The following ARPC3 variants were observed in gnomAD, a reference collection of about 807,000 sequenced individuals.
ARPC3 encodes the protein actin related protein 2/3 complex subunit 3.
Under a neutral mutation model 27.6 loss-of-function variants are expected in ARPC3, and 12 were observed. The ratio of observed to expected loss-of-function variants is 0.43; its 90% CI spans 0.28 to 0.70. The LOEUF (loss-of-function observed/expected upper bound fraction) is 0.70, where lower values mean the gene tolerates loss of function less well. Among genes scored for constraint, ARPC3 ranks in the 30% least tolerant of loss-of-function variants. The pLI, the probability that ARPC3 is intolerant of heterozygous loss-of-function variation, is 0.17. For synonymous variants in ARPC3, 53 were observed against 67.2 expected (o/e 0.79, Z 1.03); for missense variants, 153 against 207.7 (o/e 0.74, Z 1.62).
chr12:110,436,711 TACACACACACACAC>T lies in ARPC3; in HGVS notation c.253-42_253-29del, dbSNP rs375877607. The T allele has an allele frequency of 4.8e-4, 185 of 382,254 alleles. 3 individuals are homozygous for T. The highest frequency in any genetic ancestry group is 2.8e-3 in the South Asian group (108 of 38,288). The allele number at this position is 382,254 out of a possible 1,614,324, so 23.7% of individuals were successfully genotyped here. On this transcript the variant is annotated intron_variant, in intron 4 of 6. Transcript: ENST00000228825. ...GGAAAAAAAAATATATATATATATA[TACACACACACACAC>T]ACACACACACACACACACACACACA...
intron 2 of ARPC3, among the ~76,000 whole-genome samples, chr12:110,444,554 G>A (rs1445089759): frequency 6.6e-6 from 1 of 152,086 alleles, no homozygotes; most frequent in African/African-American, 2.4e-5. Flanking sequence ...CAAAGTGCTG[G>A]GATTACAAGT....
chr12:110,446,955 G>A (rs955758167), intron 1 of ARPC3, among the ~76,000 whole-genome samples: 3 of 152,136 alleles, frequency 2.0e-5, no homozygotes, highest in African/African-American at 4.8e-5. Flanking sequence ...ATGTTCTTAA[G>A]GTTATTATTA....
rs774230061 is a variant in ARPC3, at chr12:110,440,425, T to C, written c.107-37A>G. ...ACAAGGGAAGGAGCACAGAGAACAT[T>C]AGCCAAATACAAAACATAACAACTA... is the stretch of plus-strand genomic sequence containing the variant. On this transcript the variant is annotated intron_variant, in intron 2 of 6. Transcript: ENST00000228825. 9 of 1,395,048 alleles carry C rather than the reference T, an allele frequency of 6.5e-6. No individual in the cohort carries two copies. The East Asian group carries it at 1.6e-4, about 25-fold the overall frequency. 86.4% of individuals were successfully genotyped at this position (1,395,048 alleles called of 1,614,324 possible).
intron 6 of ARPC3, 99 bp from the exon 7 acceptor site, chr12:110,435,316 T>G: frequency 1.1e-6 from 1 of 951,824 alleles, no homozygotes; most frequent in Non-Finnish European, 1.6e-6. Context: ...TGGAATCTCT[T>G]ATAAACTTTT....
At chr12:110,435,340 G>A in intron 6 of ARPC3, 123 bp from the exon 7 acceptor site, 1 of 596,836 alleles carries the variant, frequency 1.7e-6, no homozygotes, top group Non-Finnish European at 2.8e-6. Flanking sequence ...TTTTTTTTTT[G>A]AGACGGAGTC....
chr12:110,436,476 G>T, intron 5 of ARPC3, 81 bp downstream of exon 5: 1 of 1,581,552 alleles, frequency 6.3e-7, no homozygotes, highest in Non-Finnish European at 8.7e-7. Context: ...ATGAATCAAG[G>T]CAAGAAAAAG....
intron 5 of ARPC3, 38 bp from the exon 6 acceptor site, chr12:110,436,242 A>G (rs765822603): frequency 1.3e-6 from 2 of 1,513,330 alleles, no homozygotes; most frequent in East Asian, 4.5e-5. Context: ...GTATTTGCAA[A>G]TACATCCCAA....
intron 3 of ARPC3, among the ~76,000 whole-genome samples, chr12:110,439,230 C>G (rs2062422399): frequency 1.3e-5 from 2 of 152,120 alleles, no homozygotes; most frequent in Non-Finnish European, 2.9e-5. Context: ...ATGTGATCCA[C>G]CCGCCTCAGC....
At chr12:110,437,705 GC>G (rs1429146437) in intron 3 of ARPC3, among the ~76,000 whole-genome samples, 1 of 151,888 alleles carries the variant, frequency 6.6e-6, no homozygotes, top group Non-Finnish European at 1.5e-5. Context: ...GGCTCCCCTT[GC>G]CCCAGGGTTC....
intron 2 of ARPC3, among the ~76,000 whole-genome samples, chr12:110,444,506 A>G (rs1383803905): frequency 1.3e-5 from 2 of 152,058 alleles, no homozygotes; most frequent in Non-Finnish European, 2.9e-5. Context: ...GCTGGTCTCG[A>G]ACTCCTGACC....
chr12:110,437,299 GCA>G (rs1038151935), intron 3 of ARPC3, 147 bp from the exon 4 acceptor site: 11 of 667,590 alleles, frequency 1.6e-5, no homozygotes, highest in African/African-American at 7.1e-5. Flanking sequence ...TTCTCCAAAT[GCA>G]CAGTCTCCTC....
At chr12:110,445,362 G>A in intron 2 of ARPC3, 90 bp downstream of exon 2, 1 of 1,026,204 alleles carries the variant, frequency 9.7e-7, no homozygotes, top group South Asian at 1.3e-5. Flanking sequence ...TGAGAGAGAA[G>A]ACTGAGCTAA....
rs1456376142 is a variant in ARPC3, at chr12:110,436,707, T to TACACACACAC, written c.253-25_253-24insGTGTGTGTGT. 8.5e-6 allele frequency: 7 copies of TACACACACAC among 821,558 alleles called. No individual in the cohort carries two copies. The African/African-American group carries it at 9.3e-5, about 11-fold the overall frequency. 50.9% of individuals were successfully genotyped at this position (821,558 alleles called of 1,614,324 possible). A position where few individuals can be genotyped will look rare whatever the true frequency, so the allele number is the denominator to read the frequency against. On this transcript the variant is annotated intron_variant, in intron 4 of 6. Transcript: ENST00000228825. ...CACTGGAAAAAAAAATATATATATA[T>TACACACACAC]ATATACACACACACACACACACACA...
rs774872272 is a variant in ARPC3 at position 110,450,237 on chromosome 12, C to T, written c.6+18G>A. The T allele has an allele frequency of 3.8e-5, 61 of 1,614,000 alleles. No individual in the cohort carries two copies. The African/African-American group carries it at 7.6e-4, about 20-fold the overall frequency. ...CGCAATCCCCGCTGTCTCCCCACAC[C>T]GTGGATCGAACCCTCACCGGCATCT... On this transcript the variant is annotated intron_variant, in intron 1 of 6. Transcript: ENST00000228825.
At chr12:110,436,856 G>C in intron 4 of ARPC3, 173 bp from the exon 5 acceptor site, 1 of 679,368 alleles carries the variant, frequency 1.5e-6, no homozygotes, top group South Asian at 1.9e-5. Flanking sequence ...TCTGTCTTGA[G>C]AAAATATATT....
At position 110,436,189 on chromosome 12, in the gene ARPC3, T is replaced by C; in HGVS notation, c.395A>G (p.Tyr132Cys). The change falls in exon 6 of 7, where the codon TAT (tyrosine) becomes TGT (cysteine). Residue 132 changes from tyrosine (Y) to cysteine (C), a missense_variant. Physicochemically the swap from Tyr to Cys is radical, Grantham distance 194. Coordinates refer to ENST00000228825, the MANE Select transcript of ARPC3 (RefSeq NM_001278556.2). ...AGTCTCTTGCCTTAGCTGTTGTAAA[T>C]AGGCTCTCATCACTTCTAAAACAGA... ...NKQEDEVMRA[Y>C]LQQLRQETGL... 6.2e-6 allele frequency: 10 copies of C among 1,613,444 alleles called. No homozygotes were observed. Among genetic ancestry groups the C allele is most frequent in the Non-Finnish European group, 8.5e-6 (10 of 1,179,410 alleles).
chr12:110,447,996 C>A (rs1261978983), intron 1 of ARPC3, among the ~76,000 whole-genome samples: 1 of 150,912 alleles, frequency 6.6e-6, no homozygotes, highest in Non-Finnish European at 1.5e-5. Flanking sequence ...GATCCTCCCA[C>A]CTCAGCCTCT....
At chr12:110,439,329 C>T (rs1230814546) in intron 3 of ARPC3, among the ~76,000 whole-genome samples, 1 of 152,110 alleles carries the variant, frequency 6.6e-6, no homozygotes, top group African/African-American at 2.4e-5. Flanking sequence ...GTTGCCCAGG[C>T]TGGTCTCGAA....
intron 1 of ARPC3, among the ~76,000 whole-genome samples, chr12:110,447,872 A>T (rs1380858263): frequency 6.8e-6 from 1 of 147,186 alleles, no homozygotes; most frequent in Non-Finnish European, 1.5e-5. Context: ...GAACCAGTAC[A>T]GGGATTTAGA....
Sources: allele counts gnomAD v4.1 joint callset (sites outside exome capture counted in the v4.1 genomes callset), GRCh38; gene constraint gnomAD v4.1.1; transcripts MANE v1.5; gene names NCBI Gene and HGNC (gene_info 2026-07-23, HGNC 2026-07-21).